The following DCX variants were observed in gnomAD, a reference collection of about 807,000 sequenced individuals.
DCX encodes doublecortin.
A neutral mutation model predicts 20.9 loss-of-function variants in DCX; 4 were observed. The observed-to-expected ratio is 0.19, with a 90% CI of 0.09 to 0.44. The LOEUF is 0.44. Among genes scored for constraint, DCX ranks in the 20% least tolerant of loss-of-function variants. The pLI is 0.99. For synonymous variants in DCX, 103 were observed against 111.4 expected (o/e 0.92, Z 0.47); for missense variants, 133 against 296.9 (o/e 0.45, Z 4.06).
intron 5 of DCX, among the ~76,000 whole-genome samples, chrX:111,316,203 G>A (rs928863824): frequency 3.6e-5 from 4 of 109,938 alleles, no homozygotes; most frequent in Non-Finnish European, 3.8e-5. Context: ...CACAAGACAA[G>A]GATGTCCTCT....
At chrX:111,317,114 C>A (rs1157724540) in intron 5 of DCX, among the ~76,000 whole-genome samples, 2 of 111,837 alleles carry the variant, frequency 1.8e-5, no homozygotes, top group Non-Finnish European at 3.8e-5. Flanking sequence ...GCCCAAATAG[C>A]CAAAGCAAGG....
At chrX:111,351,726 C>T (rs1197495033) in intron 3 of DCX, among the ~76,000 whole-genome samples, 1 of 111,899 alleles carries the variant, frequency 8.9e-6, no homozygotes, top group East Asian at 2.8e-4. Context: ...ACAGAAGGCT[C>T]AAGGCCAATA....
In DCX at chrX:111,322,632, A is replaced by G. The variant is rs144933556; in HGVS notation, c.946+8272T>C. Among the ~76,000 whole-genome samples, 997 of 112,564 alleles carry G rather than the reference A, an allele frequency of 8.9e-3. 7 individuals are homozygous for G. Among genetic ancestry groups the G allele is most frequent in the Middle Eastern group, 0.023 (5 of 216 alleles). Reference sequence around the variant, plus strand: ...AGAGACAGACCCTGTGGTTTTCACAAATACATTCCAAAGAGCCCTTGGGCA... The same window carrying G: ...AGAGACAGACCCTGTGGTTTTCACAGATACATTCCAAAGAGCCCTTGGGCA... On this transcript the variant is annotated intron_variant, in intron 5 of 6. Transcript: ENST00000636035.
At chrX:111,347,063 C>G (rs1922884365) in intron 3 of DCX, among the ~76,000 whole-genome samples, 1 of 111,496 alleles carries the variant, frequency 9.0e-6, no homozygotes, top group African/African-American at 3.3e-5. Context: ...GTTTGTTCAC[C>G]ATTCTATCCC....
At chrX:111,362,293 A>C (rs750944868) in intron 3 of DCX, among the ~76,000 whole-genome samples, 1 of 111,262 alleles carries the variant, frequency 9.0e-6, no homozygotes, top group South Asian at 3.9e-4. Context: ...CATCTTTGCA[A>C]CACCCTTCAT....
At chrX:111,367,217 AC>A (rs1433003981) in intron 3 of DCX, among the ~76,000 whole-genome samples, 2 of 111,722 alleles carry the variant, frequency 1.8e-5, no homozygotes, top group Non-Finnish European at 3.8e-5. Flanking sequence ...TAGGCTGAAC[AC>A]TATTTCATCA....
At chrX:111,317,690 T>C (rs188578988) in intron 5 of DCX, among the ~76,000 whole-genome samples, 1 of 112,094 alleles carries the variant, frequency 8.9e-6, no homozygotes, top group East Asian at 2.8e-4. Context: ...ATCCATCATC[T>C]ATAAGGAACT....
Position 111,298,950 on chromosome X carries a change from T to TTGTGTGTGTGTG in DCX, c.*2725_*2736dup, listed in dbSNP as rs559997251. On this transcript the variant is annotated 3_prime_UTR_variant, in exon 7 of 7. Coordinates refer to ENST00000636035, the MANE Select transcript of DCX (RefSeq NM_001195553.2). Reference sequence around the variant, plus strand: ...GAGGTAGGAACAAGCAAGAGATGGATTGTGTGTGTGTGTGTGTGTGTGTGT... The same window carrying TTGTGTGTGTGTG: ...GAGGTAGGAACAAGCAAGAGATGGATTGTGTGTGTGTGTGTGTGTGTGTGTGTGTGTGTGTGT... The TTGTGTGTGTGTG allele has an allele frequency of 1.9e-3, 193 of 103,885 alleles. 1 individual carries two copies. Among genetic ancestry groups the TTGTGTGTGTGTG allele is most frequent in the African/African-American group, 6.5e-3 (184 of 28,115 alleles). 8.6% of individuals were successfully genotyped at this position (103,885 alleles called of 1,213,427 possible).
At chrX:111,326,289 A>T (rs1191541375) in intron 5 of DCX, among the ~76,000 whole-genome samples, 1 of 109,394 alleles carries the variant, frequency 9.1e-6, no homozygotes, top group East Asian at 2.9e-4. Flanking sequence ...GGGGCTCCTT[A>T]AAAAAAAAGA....
rs1203007780 is a variant in DCX at position 111,301,260 on chromosome X, G to A, written c.*427C>T. The stretch of plus-strand genomic sequence containing the variant: ...AGATCCAGAGAAAAGGGGCACTTGT[G>A]TTTGTCATTCTTGGATCTGCCAATG... On this transcript the variant is annotated 3_prime_UTR_variant, in exon 7 of 7. Transcript: ENST00000636035. 1 of 152,267 alleles carries A rather than the reference G, an allele frequency of 6.6e-6. No individual in the cohort carries two copies. The highest frequency in any genetic ancestry group is 1.3e-5 in the Non-Finnish European group (1 of 77,918). 12.5% of individuals were successfully genotyped at this position (152,267 alleles called of 1,213,427 possible).
chrX:111,315,279 G>C (rs1468206619), intron 5 of DCX, among the ~76,000 whole-genome samples: 1 of 85,052 alleles, frequency 1.2e-5, no homozygotes. Context: ...GACATGAACA[G>C]ACACTTCTCA....
intron 2 of DCX, among the ~76,000 whole-genome samples, chrX:111,408,932 T>G (rs749814831): frequency 1.3e-4 from 15 of 111,478 alleles, no homozygotes; most frequent in Non-Finnish European, 2.6e-4. Flanking sequence ...AGGTGCTATT[T>G]CTCCTTCCTT....
At chrX:111,411,380 G>A in intron 1 of DCX, among the ~76,000 whole-genome samples, 1 of 109,275 alleles carries the variant, frequency 9.2e-6, no homozygotes. Flanking sequence ...ATTGTTCTGG[G>A]TTTCTACCTT....
At chrX:111,326,487 G>A (rs2095099809) in intron 5 of DCX, among the ~76,000 whole-genome samples, 1 of 111,736 alleles carries the variant, frequency 8.9e-6, no homozygotes, top group Non-Finnish European at 1.9e-5. Flanking sequence ...TGGCAAGTCC[G>A]GGGTTAATCA....
intron 3 of DCX, among the ~76,000 whole-genome samples, chrX:111,391,946 T>C (rs1272725978): frequency 1.8e-5 from 2 of 111,473 alleles, no homozygotes; most frequent in Non-Finnish European, 3.8e-5. Flanking sequence ...GAAACTTTGG[T>C]GGTTTGGGGG....
At chrX:111,344,956 A>T (rs1410691592) in intron 3 of DCX, among the ~76,000 whole-genome samples, 2 of 112,334 alleles carry the variant, frequency 1.8e-5, no homozygotes, top group Admixed American at 9.4e-5. Flanking sequence ...GCAAAAGAAC[A>T]AAGCTGGAGG....
chrX:111,380,192 C>A (rs909005741), intron 3 of DCX, among the ~76,000 whole-genome samples: 1 of 111,475 alleles, frequency 9.0e-6, no homozygotes, highest in Non-Finnish European at 1.9e-5. Flanking sequence ...CTTATGAAGT[C>A]CAATTTGTCT....
intron 3 of DCX, among the ~76,000 whole-genome samples, chrX:111,393,880 T>G (rs929932063): frequency 1.8e-5 from 2 of 110,921 alleles, no homozygotes; most frequent in African/African-American, 6.5e-5. Context: ...AAACTGGAAC[T>G]CTCATACAAT....
chrX:111,373,283 A>T (rs1352799519), intron 3 of DCX, among the ~76,000 whole-genome samples: 4 of 111,658 alleles, frequency 3.6e-5, no homozygotes, highest in Non-Finnish European at 7.5e-5. Flanking sequence ...AGATATAGGG[A>T]TGAAGGAAGA....
Sources: gnomAD v4.1 joint callset for allele counts (sites outside exome capture counted in the v4.1 genomes callset) on GRCh38, gnomAD v4.1.1 for gene constraint, MANE v1.5 for transcripts, NCBI Gene and HGNC (gene_info 2026-07-23, HGNC 2026-07-21) for gene names.